The following NAT10 variants were observed in gnomAD, a reference collection of about 807,000 sequenced individuals.
The protein encoded by NAT10 is RNA cytidine acetyltransferase.
Under a neutral mutation model 132.2 loss-of-function variants are expected in NAT10, and 109 were observed. That is an observed-to-expected ratio of 0.82 (90% confidence interval 0.71 to 0.97). NAT10 has a LOEUF of 0.97. Among genes scored for constraint, NAT10 ranks in the 50% least tolerant of loss-of-function variants. NAT10 has a pLI of 0.00. For missense variants in NAT10, 1,184 were observed against 1,263.4 expected (o/e 0.94, Z 0.95); for synonymous variants, 479 against 478.0 (o/e 1.00, Z -0.03).
chr11:34,140,993 A>G, intron 24 of NAT10, 96 bp from the exon 25 acceptor site: 1 of 1,537,626 alleles, frequency 6.5e-7, no homozygotes, highest in South Asian at 1.2e-5. Flanking sequence ...CTTTGTACCA[A>G]TAGCTTTGGT....
At chr11:34,115,557 C>T (rs1851770736) in intron 5 of NAT10, among the ~76,000 whole-genome samples, 1 of 152,214 alleles carries the variant, frequency 6.6e-6, no homozygotes, top group African/African-American at 2.4e-5. Context: ...ATATCTGGCA[C>T]ACAGCATGCC....
chr11:34,108,348 A>G lies in NAT10; in HGVS notation c.108+15A>G. 6.3e-7 allele frequency: 1 copy of G among 1,583,574 alleles called. No homozygotes were observed. The highest frequency in any genetic ancestry group is 8.7e-7 in the Non-Finnish European group (1 of 1,152,580). Reference sequence around the variant, plus strand: ...GAAAAGATCAGGTATGGCCTGGTAAATGCTTCCTGAATTACTTTTTATCTT... The same window carrying G: ...GAAAAGATCAGGTATGGCCTGGTAAGTGCTTCCTGAATTACTTTTTATCTT... On this transcript the variant is annotated intron_variant, in intron 2 of 28. Transcript: ENST00000257829.
chr11:34,132,544 A>G (rs1222904768), intron 15 of NAT10, among the ~76,000 whole-genome samples: 1 of 152,214 alleles, frequency 6.6e-6, no homozygotes, highest in African/African-American at 2.4e-5. Context: ...GCTCTGGGCT[A>G]CTTTTATGGA....
At chr11:34,128,119 G>C (rs1185402883) in intron 12 of NAT10, among the ~76,000 whole-genome samples, 1 of 152,020 alleles carries the variant, frequency 6.6e-6, no homozygotes, top group Non-Finnish European at 1.5e-5. Flanking sequence ...ACATTGGGAG[G>C]CCGAGGCAGG....
chr11:34,116,249 G>A (rs1389286679), intron 6 of NAT10, among the ~76,000 whole-genome samples: 2 of 152,020 alleles, frequency 1.3e-5, no homozygotes, highest in African/African-American at 2.4e-5. Context: ...TGAATATGAC[G>A]TACTGGCATA....
intron 1 of NAT10, chr11:34,107,084 T>A (rs1238029443): frequency 7.1e-6 from 1 of 140,708 alleles, no homozygotes; most frequent in Admixed American, 7.9e-5. Context: ...TAGGCTGGAG[T>A]GCAATGGCAC....
chr11:34,134,651 G>C, intron 18 of NAT10, 65 bp downstream of exon 18: 1 of 1,524,358 alleles, frequency 6.6e-7, no homozygotes, highest in African/African-American at 1.4e-5. Flanking sequence ...GGGGTACTTG[G>C]TGGCTGGAAT....
intron 6 of NAT10, among the ~76,000 whole-genome samples, chr11:34,117,547 T>C (rs1179761501): frequency 6.6e-6 from 1 of 152,178 alleles, no homozygotes; most frequent in African/African-American, 2.4e-5. Context: ...TTTAACCATC[T>C]GTGATGCACT....
At position 34,133,084 on chromosome 11, in the gene NAT10, TTCTG is replaced by T. The variant is rs756786027; in HGVS notation, c.1677_1680del (p.Pro562CysfsTer29). On this transcript the variant is annotated frameshift_variant, in exon 16 of 29. Coordinates refer to ENST00000257829, the MANE Select transcript of NAT10 (RefSeq NM_024662.3). LOFTEE classifies it high-confidence loss of function. ...GCACCTGCTCACCATCTCTTCTGCC[TTCTG>T]CCTCCCGTGCCCCCCACCCAGAATG... The T allele has an allele frequency of 4.4e-5, 71 of 1,614,074 alleles. No homozygotes were observed. The highest frequency in any genetic ancestry group is 5.8e-5 in the Non-Finnish European group (69 of 1,180,018).
intron 21 of NAT10, among the ~76,000 whole-genome samples, chr11:34,138,298 T>C (rs970513747): frequency 1.4e-4 from 21 of 151,756 alleles, no homozygotes; most frequent in Admixed American, 9.2e-4. Context: ...TGATCTGGGG[T>C]TGGGAGGATG....
At position 34,110,147 on chromosome 11, in the gene NAT10, G is replaced by A. The variant is rs143521856; in HGVS notation, c.200+1314G>A. Among the ~76,000 whole-genome samples, 1,043 of 152,176 alleles carry A rather than the reference G, an allele frequency of 6.9e-3. 8 individuals are homozygous for A. The highest frequency in any genetic ancestry group is 0.011 in the Non-Finnish European group (731 of 68,012). ...GTCTTTACTCAGACCACCTTCCGGA[G>A]CTCTTCTCTTTCTCTGGATCTCGTC... On this transcript the variant is annotated intron_variant, in intron 3 of 28. Coordinates refer to ENST00000257829, the MANE Select transcript of NAT10 (RefSeq NM_024662.3).
At chr11:34,119,492 C>G (rs761992582) in intron 8 of NAT10, among the ~76,000 whole-genome samples, 5 of 152,148 alleles carry the variant, frequency 3.3e-5, no homozygotes, top group Non-Finnish European at 7.3e-5. Context: ...CTGGTACCCT[C>G]TTTATCACAA....
rs772746799 is a variant in NAT10 at position 34,146,235 on chromosome 11, C to T, written c.*43C>T. ...ATCTGTGTTTGATCATGGGAAGATA[C>T]TCTCACTAACTGAACCCTCTCTGGC... is the stretch of plus-strand genomic sequence containing the variant. On this transcript the variant is annotated 3_prime_UTR_variant, in exon 29 of 29. Transcript: ENST00000257829. The T allele has an allele frequency of 7.2e-7, 1 of 1,379,408 alleles. No homozygotes were observed. The highest frequency in any genetic ancestry group is 1.0e-6 in the Non-Finnish European group (1 of 997,868). 85.4% of individuals were successfully genotyped at this position (1,379,408 alleles called of 1,614,324 possible).
chr11:34,108,805 T>C lies in NAT10; in HGVS notation c.172T>C (p.Cys58Arg). 6.2e-7 allele frequency: 1 copy of C among 1,613,834 alleles called. No homozygotes were observed. The highest frequency in any genetic ancestry group is 8.5e-7 in the Non-Finnish European group (1 of 1,179,904). Residue 58 changes from cysteine to arginine, a missense_variant, in exon 3 of 29, where the codon TGT (cysteine) becomes CGT (arginine). Physicochemically the swap from Cys to Arg is radical, Grantham distance 180. Transcript: ENST00000257829. ...TVKARPSVLW[C>R]YKKELGFSSH... ...GAAGGCTCGGCCTTCAGTGCTGTGG[T>C]GTTATAAGAAAGAGCTGGGGTTTAG...
At position 34,139,455 on chromosome 11, in the gene NAT10, CATCA is replaced by C; in HGVS notation, c.2380_2383del (p.Ile794PhefsTer14). The C allele has an allele frequency of 6.2e-7, 1 of 1,614,150 alleles. No individual in the cohort carries two copies. Among genetic ancestry groups the C allele is most frequent in the Non-Finnish European group, 8.5e-7 (1 of 1,180,022 alleles). On this transcript the variant is annotated frameshift_variant, in exon 23 of 29. Transcript: ENST00000257829. LOFTEE classifies it high-confidence loss of function. ...CCTTCTCTCCTTCCCTGGCTCTGAA[CATCA>C]TTCAGAACAGGAACATGGGGAAGCC...
rs746635222 is a variant in NAT10, at chr11:34,131,534, ATCC to A, written c.1520+9_1520+11del. 7 of 1,611,892 alleles carry A rather than the reference ATCC, an allele frequency of 4.3e-6. No individual in the cohort carries two copies. The highest frequency in any genetic ancestry group is 2.2e-5 in the South Asian group (2 of 90,862). ...CCCTTGCCTGAAGCTTGTGAACTGT[ATCC>A]TCCTCTGGGTTTCACTGGCCCTGTG... On this transcript the variant is annotated splice_donor_5th_base_variant and intron_variant, in intron 14 of 28. Coordinates refer to ENST00000257829, the MANE Select transcript of NAT10 (RefSeq NM_024662.3).
chr11:34,126,696 T>G (rs926294564), intron 11 of NAT10, among the ~76,000 whole-genome samples: 11 of 152,250 alleles, frequency 7.2e-5, no homozygotes, highest in African/African-American at 2.4e-4. Context: ...CCCTGCTGTC[T>G]TTAGCATTTC....
chr11:34,145,861 G>C (rs940683841), intron 28 of NAT10, among the ~76,000 whole-genome samples: 2 of 152,142 alleles, frequency 1.3e-5, no homozygotes, highest in African/African-American at 4.8e-5. Context: ...CACAGACTAA[G>C]AGCTGGCTCA....
At position 34,141,719 on chromosome 11, in the gene NAT10, C is replaced by G. The variant is rs985665671; in HGVS notation, c.2713C>G (p.Leu905Val). 1.9e-6 allele frequency: 3 copies of G among 1,613,930 alleles called. No homozygotes were observed. The highest frequency in any genetic ancestry group is 2.5e-6 in the Non-Finnish European group (3 of 1,179,858). ...CTTCTCTGTTGGTTGTCTTTTGTAG[C>G]TATTTAATGAAGTTCAGGAAAAGGC... is the stretch of plus-strand genomic sequence containing the variant. ...FNRIIRKVVK[L>V]FNEVQEKAIE... Residue 905 changes from leucine to valine, a missense_variant and splice_region_variant, in exon 26 of 29, where the codon CTA becomes GTA. Physicochemically the swap from Leu to Val is conservative, Grantham distance 32. Coordinates refer to ENST00000257829, the MANE Select transcript of NAT10 (RefSeq NM_024662.3).
Sources: gnomAD v4.1 joint callset for allele counts (sites outside exome capture counted in the v4.1 genomes callset) on GRCh38, gnomAD v4.1.1 for gene constraint, MANE v1.5 for transcripts, NCBI Gene and HGNC (gene_info 2026-07-23, HGNC 2026-07-21) for gene names.